The following WDR72 variants were observed in gnomAD, a reference collection of about 807,000 sequenced individuals.
WDR72 encodes the protein WD repeat-containing protein 72.
Under a neutral mutation model 124.2 loss-of-function variants are expected in WDR72, and 120 were observed. The ratio of observed to expected loss-of-function variants is 0.97; its 90% CI spans 0.83 to 1.12. WDR72 has a LOEUF of 1.12. Among genes scored for constraint, WDR72 ranks in the 50% most tolerant of loss-of-function variants. WDR72 has a pLI of 0.00. For missense variants in WDR72, 1,387 were observed against 1,278.8 expected (o/e 1.08, Z -1.29); for synonymous variants, 452 against 441.7 (o/e 1.02, Z -0.29).
At chr15:53,648,953 C>G (rs1595818694) in intron 14 of WDR72, among the ~76,000 whole-genome samples, 1 of 147,446 alleles carries the variant, frequency 6.8e-6, no homozygotes, top group South Asian at 2.1e-4. Context: ...CCAGGGCTCC[C>G]AAATTGAGCA....
At chr15:53,623,508 TACACATAC>T (rs199966926) in intron 14 of WDR72, among the ~76,000 whole-genome samples, 2,081 of 151,708 alleles carry the variant, frequency 0.014, 53 homozygotes, top group African/African-American at 0.048. Flanking sequence ...CACATACACA[TACACATAC>T]ACACACACAT....
chr15:53,577,483 A>T (rs942396814), intron 18 of WDR72, among the ~76,000 whole-genome samples: 2 of 152,106 alleles, frequency 1.3e-5, no homozygotes, highest in Admixed American at 1.3e-4. Flanking sequence ...TATAAAAAAA[A>T]CTGTCATGTT....
intron 9 of WDR72, among the ~76,000 whole-genome samples, chr15:53,706,456 A>C (rs1225074920): frequency 6.7e-6 from 1 of 148,592 alleles, no homozygotes; most frequent in African/African-American, 2.5e-5. Flanking sequence ...AATCCTCACA[A>C]TAACCCTATA....
intron 18 of WDR72, among the ~76,000 whole-genome samples, chr15:53,548,987 C>T (rs963042545): frequency 6.6e-6 from 1 of 152,058 alleles, no homozygotes; most frequent in African/African-American, 2.4e-5. Flanking sequence ...GAAAGAGAAC[C>T]AATAACCATG....
intron 13 of WDR72, among the ~76,000 whole-genome samples, chr15:53,680,234 A>G (rs2016332320): frequency 6.6e-6 from 1 of 152,214 alleles, no homozygotes; most frequent in African/African-American, 2.4e-5. Flanking sequence ...ATTTATATCT[A>G]TACAAGTATG....
At chr15:53,726,264 G>GTATATATATATATATATATATATATA (rs34367324) in intron 2 of WDR72, among the ~76,000 whole-genome samples, 1 of 110,358 alleles carries the variant, frequency 9.1e-6, no homozygotes, top group African/African-American at 4.6e-5. Context: ...ATGTATGTGT[G>GTATATATATATATATATATATATATA]TATATATATA....
At chr15:53,547,145 C>T (rs1025805522) in intron 18 of WDR72, among the ~76,000 whole-genome samples, 1 of 152,206 alleles carries the variant, frequency 6.6e-6, no homozygotes, top group Admixed American at 6.5e-5. Flanking sequence ...AACAAGGATG[C>T]CCACTGTTAC....
intron 13 of WDR72, among the ~76,000 whole-genome samples, chr15:53,671,624 C>A (rs1461232967): frequency 1.3e-5 from 2 of 152,112 alleles, no homozygotes; most frequent in African/African-American, 4.8e-5. Context: ...AGATTTAATG[C>A]CAGAAATATG....
rs112336656 is a variant in WDR72, at chr15:53,758,206, G to C, written c.-13+1427C>G. Among the ~76,000 whole-genome samples, 1,067 of 152,110 alleles carry C rather than the reference G, an allele frequency of 7.0e-3. 13 individuals are homozygous for C. Among genetic ancestry groups the C allele is most frequent in the African/African-American group, 0.024 (996 of 41,496 alleles). ...TGTAGAGATGAAGTTTTGCTATGTT[G>C]CCCAGGCTGGTCTGGAACTCCTGAG... On this transcript the variant is annotated intron_variant, in intron 1 of 19. Coordinates refer to ENST00000360509, the MANE Select transcript of WDR72 (RefSeq NM_182758.4).
chr15:53,622,441 C>T lies in WDR72; in HGVS notation c.1963-6198G>A, dbSNP rs892312848. Among the ~76,000 whole-genome samples the T allele has an allele frequency of 2.6e-5, 4 of 151,406 alleles. No individual in the cohort carries two copies. The East Asian group carries it at 5.8e-4, about 22-fold the overall frequency. On this transcript the variant is annotated intron_variant, in intron 14 of 19. Transcript: ENST00000360509. ...TACATATATACCATGGAATACTACACAGCCATAAAAAAGAATGAGATGTGT... is the reference window on the plus strand; with the variant it reads ...TACATATATACCATGGAATACTACATAGCCATAAAAAAGAATGAGATGTGT...
intron 13 of WDR72, among the ~76,000 whole-genome samples, chr15:53,683,540 A>T (rs1441346629): frequency 2.0e-5 from 3 of 152,164 alleles, no homozygotes; most frequent in Non-Finnish European, 4.4e-5. Flanking sequence ...TCATTTTTAT[A>T]CTAACTGAAT....
At chr15:53,753,767 C>T (rs947704010) in intron 1 of WDR72, among the ~76,000 whole-genome samples, 4 of 152,190 alleles carry the variant, frequency 2.6e-5, no homozygotes, top group Non-Finnish European at 4.4e-5. Flanking sequence ...ATACTCAATT[C>T]AGCAAGTGTT....
At chr15:53,654,704 T>C (rs897133307) in intron 14 of WDR72, among the ~76,000 whole-genome samples, 1 of 152,170 alleles carries the variant, frequency 6.6e-6, no homozygotes, top group South Asian at 2.1e-4. Flanking sequence ...AGATAGAAGG[T>C]AGACCATTTA....
chr15:53,551,190 T>C (rs955978601), intron 18 of WDR72, among the ~76,000 whole-genome samples: 15 of 152,036 alleles, frequency 9.9e-5, no homozygotes, highest in Non-Finnish European at 1.3e-4. Flanking sequence ...GAATGGAGGA[T>C]GGCCAGTGAG....
At chr15:53,689,748 T>C (rs1320046884) in intron 13 of WDR72, among the ~76,000 whole-genome samples, 1 of 151,966 alleles carries the variant, frequency 6.6e-6, no homozygotes, top group Non-Finnish European at 1.5e-5. Context: ...ATCATGCTGC[T>C]ACAAAGACAC....
chr15:53,739,874 T>C (rs761014678), intron 1 of WDR72, among the ~76,000 whole-genome samples: 5 of 152,210 alleles, frequency 3.3e-5, no homozygotes, highest in Non-Finnish European at 7.3e-5. Context: ...ATGTGCACTT[T>C]GGCTCTTGTC....
chr15:53,652,400 G>C (rs2015272415), intron 14 of WDR72, among the ~76,000 whole-genome samples: 1 of 152,142 alleles, frequency 6.6e-6, no homozygotes, highest in Non-Finnish European at 1.5e-5. Flanking sequence ...CTCCTCTGAT[G>C]AGAGGGTGAG....
intron 18 of WDR72, among the ~76,000 whole-genome samples, chr15:53,545,144 C>T (rs1291221636): frequency 6.6e-6 from 1 of 150,388 alleles, no homozygotes; most frequent in Non-Finnish European, 1.5e-5. Context: ...ACTTTCTTCA[C>T]AGAATTGGAA....
At chr15:53,598,989 T>G (rs1490812701) in intron 17 of WDR72, among the ~76,000 whole-genome samples, 1 of 152,042 alleles carries the variant, frequency 6.6e-6, no homozygotes, top group Non-Finnish European at 1.5e-5. Flanking sequence ...CCTGGCTTGG[T>G]GGTGCGCACC....
Sources: gnomAD v4.1 joint callset for allele counts (sites outside exome capture counted in the v4.1 genomes callset) on GRCh38, gnomAD v4.1.1 for gene constraint, MANE v1.5 for transcripts, NCBI Gene and HGNC (gene_info 2026-07-23, HGNC 2026-07-21) for gene names.